Variants in C1QTNF3 observed in about 807,000 individuals in gnomAD.
C1QTNF3 encodes the protein C1q and TNF related 3, also known as complement C1q tumor necrosis factor-related protein 3.
In C1QTNF3, 26 loss-of-function variants were observed where a neutral mutation model predicts 32.6. The observed-to-expected ratio is 0.80, with a 90% CI of 0.58 to 1.11. C1QTNF3 has a LOEUF of 1.11. C1QTNF3 is among the 50% of genes least tolerant of loss of function. The pLI is 0.00. For synonymous variants in C1QTNF3, 155 were observed against 146.0 expected, an observed-to-expected ratio of 1.06 and a Z score of -0.44; for missense variants, 362 against 398.2, an observed-to-expected ratio of 0.91 and a Z score of 0.77.
chr5:34,112,400 C>G, the C1QTNF3 span, among the ~76,000 whole-genome samples: 1 of 151,800 alleles, frequency 6.6e-6, no homozygotes, highest in Non-Finnish European at 1.5e-5. Flanking sequence ...TGGCTCATAC[C>G]TATAATCCCA....
chr5:34,131,052 T>C, the C1QTNF3 span, among the ~76,000 whole-genome samples: 6 of 152,204 alleles, frequency 3.9e-5, no homozygotes, highest in Non-Finnish European at 5.9e-5. Flanking sequence ...GAATGTTAAG[T>C]TTAAGACAAC....
chr5:34,187,684 T>G, the C1QTNF3 span, among the ~76,000 whole-genome samples: 1 of 152,304 alleles, frequency 6.6e-6, no homozygotes, highest in African/African-American at 2.4e-5. Flanking sequence ...CCTAGAGATC[T>G]GTGGAACTTT....
chr5:34,210,682 T>C, the C1QTNF3 span, among the ~76,000 whole-genome samples: 1 of 152,086 alleles, frequency 6.6e-6, no homozygotes, highest in African/African-American at 2.4e-5. Flanking sequence ...TTTTAATCAA[T>C]TGTATACTTC....
At chr5:34,136,463 C>T in the C1QTNF3 span, among the ~76,000 whole-genome samples, 1 of 152,148 alleles carries the variant, frequency 6.6e-6, no homozygotes, top group Non-Finnish European at 1.5e-5. Flanking sequence ...CCATCTCACG[C>T]CAGTTAGAAT....
chr5:34,102,763 C>A, the C1QTNF3 span, among the ~76,000 whole-genome samples: 7 of 152,104 alleles, frequency 4.6e-5, no homozygotes, highest in Admixed American at 3.3e-4. Flanking sequence ...CCAAACACTG[C>A]ATGTTCTCAC....
At chr5:34,033,941 C>G (rs887757230) in intron 2 of C1QTNF3, among the ~76,000 whole-genome samples, 9 of 152,192 alleles carry the variant, frequency 5.9e-5, no homozygotes, top group African/African-American at 2.4e-5. Flanking sequence ...GTGGGAGGAT[C>G]ACTTGAGCCC....
At chr5:34,108,057 A>G in the C1QTNF3 span, among the ~76,000 whole-genome samples, 2,141 of 152,212 alleles carry the variant, frequency 0.014, 47 homozygotes, top group African/African-American at 0.05. Flanking sequence ...AAAGAAAGAG[A>G]GAGGAGTTTT....
chr5:34,153,579 C>A, the C1QTNF3 span, among the ~76,000 whole-genome samples: 1 of 24,634 alleles, frequency 4.1e-5, no homozygotes, highest in Non-Finnish European at 8.0e-5. Context: ...AATTGGAAAC[C>A]ATCATTCTCA....
the C1QTNF3 span, among the ~76,000 whole-genome samples, chr5:34,231,691 T>C: frequency 5.9e-5 from 9 of 152,114 alleles, no homozygotes; most frequent in Middle Eastern, 3.4e-3. Flanking sequence ...ACGGGAAGAG[T>C]TGAGGTTTGG....
the C1QTNF3 span, among the ~76,000 whole-genome samples, chr5:34,099,256 T>C: frequency 1.1e-4 from 16 of 152,290 alleles, no homozygotes; most frequent in South Asian, 3.1e-3. Flanking sequence ...TTAAACGGCA[T>C]GTTAAATTAT....
chr5:34,079,212 G>C, the C1QTNF3 span, among the ~76,000 whole-genome samples: 20 of 151,410 alleles, frequency 1.3e-4, 1 homozygote, highest in African/African-American at 4.9e-4. Context: ...TTACATCTCT[G>C]AAAAAATCCT....
chr5:34,129,046 G>A, the C1QTNF3 span, among the ~76,000 whole-genome samples: 1 of 151,988 alleles, frequency 6.6e-6, no homozygotes, highest in African/African-American at 2.4e-5. Flanking sequence ...TTGAATCATG[G>A]GGGCACACTT....
the C1QTNF3 span, among the ~76,000 whole-genome samples, chr5:34,217,858 G>A: frequency 6.6e-6 from 1 of 152,136 alleles, no homozygotes; most frequent in East Asian, 1.9e-4. Flanking sequence ...TGATTCGTTT[G>A]TAGATGGTTG....
At chr5:34,234,524 C>T in the C1QTNF3 span, among the ~76,000 whole-genome samples, 4 of 152,228 alleles carry the variant, frequency 2.6e-5, no homozygotes, top group Non-Finnish European at 5.9e-5. Flanking sequence ...TCATGACGTG[C>T]AGTTCTCTCC....
At chr5:34,195,931 A>G in the C1QTNF3 span, among the ~76,000 whole-genome samples, 1 of 152,304 alleles carries the variant, frequency 6.6e-6, no homozygotes, top group Non-Finnish European at 1.5e-5. Context: ...TTAGGTTTAG[A>G]TGAGGTCATG....
chr5:34,059,543 C>T, the C1QTNF3 span, among the ~76,000 whole-genome samples: 1,400 of 152,212 alleles, frequency 9.2e-3, 14 homozygotes, highest in South Asian at 0.055. Context: ...CTTCTCTGTG[C>T]CTTCACATGG....
At chr5:34,126,993 G>A in the C1QTNF3 span, among the ~76,000 whole-genome samples, 68 of 152,206 alleles carry the variant, frequency 4.5e-4, no homozygotes, top group Middle Eastern at 3.4e-3. Context: ...GGCACTTCCC[G>A]TTTTGTGCTC....
At chr5:34,242,069 T>G in the C1QTNF3 span, among the ~76,000 whole-genome samples, 1 of 151,750 alleles carries the variant, frequency 6.6e-6, no homozygotes, top group Non-Finnish European at 1.5e-5. Context: ...GAATCAATAT[T>G]GTTAAAATGG....
At chr5:34,088,580 TTC>T in the C1QTNF3 span, among the ~76,000 whole-genome samples, 1 of 152,170 alleles carries the variant, frequency 6.6e-6, no homozygotes, top group Non-Finnish European at 1.5e-5. Context: ...ATTAAAATGG[TTC>T]TCTGACATTT....
Sources: gnomAD v4.1 joint callset for allele counts (sites outside exome capture counted in the v4.1 genomes callset) on GRCh38, gnomAD v4.1.1 for gene constraint, MANE v1.5 for transcripts, NCBI Gene and HGNC (gene_info 2026-07-23, HGNC 2026-07-21) for gene names.